Variants in PTPN12 observed in about 807,000 individuals in gnomAD.
The protein encoded by PTPN12 is protein tyrosine phosphatase non-receptor type 12.
Under a neutral mutation model 97.6 loss-of-function variants are expected in PTPN12, and 29 were observed. The observed-to-expected ratio is 0.30, with a 90% CI of 0.22 to 0.41. The LOEUF is 0.41. Among genes scored for constraint, PTPN12 ranks in the 10% least tolerant of loss-of-function variants. The pLI is 1.00. For missense variants in PTPN12, 819 were observed against 926.0 expected, an observed-to-expected ratio of 0.88 and a Z score of 1.50; for synonymous variants, 327 against 300.4, an observed-to-expected ratio of 1.09 and a Z score of -0.91.
intron 2 of PTPN12, among the ~76,000 whole-genome samples, chr7:77,575,336 C>T (rs1050022005): frequency 6.6e-5 from 10 of 151,936 alleles, no homozygotes; most frequent in Non-Finnish European, 4.4e-5. Context: ...CACGCACGCA[C>T]GCACGCACAC....
chr7:77,602,612 C>T (rs936648185), intron 8 of PTPN12, among the ~76,000 whole-genome samples: 7 of 150,506 alleles, frequency 4.7e-5, no homozygotes, highest in African/African-American at 1.7e-4. Flanking sequence ...ATAGTAGACC[C>T]TATCTTTTAA....
chr7:77,579,838 G>C (rs1288936539), intron 2 of PTPN12, among the ~76,000 whole-genome samples: 1 of 152,102 alleles, frequency 6.6e-6, no homozygotes, highest in Non-Finnish European at 1.5e-5. Flanking sequence ...CCAATAAATA[G>C]ATTAAAACAT....
chr7:77,608,691 A>G (rs1341671435), intron 9 of PTPN12, among the ~76,000 whole-genome samples: 2 of 150,618 alleles, frequency 1.3e-5, no homozygotes, highest in Non-Finnish European at 3.0e-5. Flanking sequence ...TCCATTTTTT[A>G]TTGTTGCAAG....
At chr7:77,598,448 G>A (rs2151356846) in intron 7 of PTPN12, among the ~76,000 whole-genome samples, 1 of 152,278 alleles carries the variant, frequency 6.6e-6, no homozygotes, top group Non-Finnish European at 1.5e-5. Context: ...TTGGGTGGCT[G>A]AGGTGGGTTG....
At chr7:77,564,758 T>TTTTTTTTTTG (rs2151311863) in intron 1 of PTPN12, among the ~76,000 whole-genome samples, 1 of 97,794 alleles carries the variant, frequency 1.0e-5, no homozygotes, top group East Asian at 3.3e-4. Context: ...TTTTTTTTTT[T>TTTTTTTTTTG]TTTTTTTTTT....
At chr7:77,559,964 C>T (rs910664529) in intron 1 of PTPN12, among the ~76,000 whole-genome samples, 1 of 152,150 alleles carries the variant, frequency 6.6e-6, no homozygotes, top group Non-Finnish European at 1.5e-5. Flanking sequence ...TACTATATGA[C>T]TAGGACATGT....
At chr7:77,571,865 T>C (rs553633004) in intron 2 of PTPN12, among the ~76,000 whole-genome samples, 2 of 152,288 alleles carry the variant, frequency 1.3e-5, no homozygotes, top group East Asian at 1.9e-4. Flanking sequence ...GTCTGTATTC[T>C]TAAATAGCAC....
At position 77,618,500 on chromosome 7, in the gene PTPN12, C is replaced by G. The variant is rs751031859; in HGVS notation, c.960C>G (p.Asn320Lys). The G allele has an allele frequency of 6.2e-7, 1 of 1,601,564 alleles. No homozygotes were observed. The highest frequency in any genetic ancestry group is 8.5e-7 in the Non-Finnish European group (1 of 1,171,950). The change falls in exon 12 of 18, where the codon AAC becomes AAG. Residue 320 changes from asparagine to lysine, a missense_variant. By Grantham distance (94) the Asn-to-Lys change is moderately conservative. Coordinates refer to ENST00000248594, the MANE Select transcript of PTPN12 (RefSeq NM_002835.4). ...ADGVNEINTE[N>K]MVSSIEPEKQ... ...GGCAGAATGAAATTAACACTGAAAA[C>G]ATGGTCAGCTCCATAGAGCCTGAAA... is the stretch of plus-strand genomic sequence containing the variant.
At chr7:77,600,623 A>C in intron 7 of PTPN12, 41 bp from the exon 8 acceptor site, 2 of 1,529,274 alleles carry the variant, frequency 1.3e-6, no homozygotes, top group East Asian at 4.6e-5. Context: ...TAAACTTTGC[A>C]AAGTATTTTC....
In PTPN12 at chr7:77,592,151, G is replaced by A. The variant is rs150449311; in HGVS notation, c.421-34G>A. 10 of 1,542,566 alleles carry A rather than the reference G, an allele frequency of 6.5e-6. No homozygotes were observed. The African/African-American group carries it at 1.3e-4, about 20-fold the overall frequency. On this transcript the variant is annotated intron_variant, in intron 5 of 17. Transcript: ENST00000248594. ...ATAACAGTTTAAGAAAAACTTACAT[G>A]AATTACTTACTAATTTTTTTTTTTG...
chr7:77,580,441 C>T (rs1787478102), intron 2 of PTPN12, among the ~76,000 whole-genome samples: 1 of 152,004 alleles, frequency 6.6e-6, no homozygotes, highest in African/African-American at 2.4e-5. Context: ...GTATAGGATG[C>T]TTGCATTTGT....
At chr7:77,616,475 C>G (rs934063045) in intron 11 of PTPN12, among the ~76,000 whole-genome samples, 5 of 152,166 alleles carry the variant, frequency 3.3e-5, no homozygotes, top group African/African-American at 1.2e-4. Flanking sequence ...CACTAGATGT[C>G]CACATTGCCT....
At chr7:77,571,840 G>A (rs1383988033) in intron 2 of PTPN12, among the ~76,000 whole-genome samples, 1 of 152,032 alleles carries the variant, frequency 6.6e-6, no homozygotes, top group African/African-American at 2.4e-5. Flanking sequence ...TTACAGGTGT[G>A]AGCCACTGCG....
chr7:77,561,261 C>T (rs559090772), intron 1 of PTPN12, among the ~76,000 whole-genome samples: 19 of 151,990 alleles, frequency 1.3e-4, no homozygotes, highest in Non-Finnish European at 2.1e-4. Flanking sequence ...CACAATGGTT[C>T]GAGTGGATTG....
At chr7:77,631,371 A>G (rs545431535) in intron 13 of PTPN12, among the ~76,000 whole-genome samples, 104 of 152,304 alleles carry the variant, frequency 6.8e-4, no homozygotes, top group African/African-American at 2.1e-3. Flanking sequence ...GACAAGACCT[A>G]TGCATAGCCA....
At chr7:77,558,846 A>C (rs1807854087) in intron 1 of PTPN12, among the ~76,000 whole-genome samples, 1 of 152,138 alleles carries the variant, frequency 6.6e-6, no homozygotes, top group Admixed American at 6.5e-5. Context: ...TCATCTCTAC[A>C]AAACATTTTT....
intron 13 of PTPN12, among the ~76,000 whole-genome samples, chr7:77,629,880 G>T (rs1789336406): frequency 6.6e-6 from 1 of 150,646 alleles, no homozygotes; most frequent in Non-Finnish European, 1.5e-5. Flanking sequence ...GCTCAAGGCT[G>T]CAGTGAGCCA....
intron 1 of PTPN12, among the ~76,000 whole-genome samples, chr7:77,556,841 T>TA (rs1456130304): frequency 6.6e-6 from 1 of 151,896 alleles, no homozygotes; most frequent in African/African-American, 2.4e-5. Flanking sequence ...AAATAAAAAA[T>TA]AAAAATACAA....
rs1789427585 is a variant in PTPN12, at chr7:77,632,356, G to A, written c.2005G>A (p.Val669Ile). ...TTATGTGTTTAATTTAGATGTTGAT[G>A]TTAGTGAAGATTCACCTCCTCCCCT... ...THSGAEKDVD[V>I]SEDSPPPLPE... is the part of the protein sequence containing the mutation. The change falls in exon 14 of 18, where the codon GTT becomes ATT. Residue 669 changes from valine to isoleucine, a missense_variant. Transcript: ENST00000248594. 6.2e-7 allele frequency: 1 copy of A among 1,602,668 alleles called. No individual in the cohort carries two copies. The highest frequency in any genetic ancestry group is 8.5e-7 in the Non-Finnish European group (1 of 1,169,764).
Sources: gnomAD v4.1 joint callset for allele counts (sites outside exome capture counted in the v4.1 genomes callset) on GRCh38, gnomAD v4.1.1 for gene constraint, MANE v1.5 for transcripts, NCBI Gene and HGNC (gene_info 2026-07-23, HGNC 2026-07-21) for gene names.